Variants in LEMD3 observed in about 807,000 individuals in gnomAD.
LEMD3 encodes LEM domain containing 3.
LEMD3 carries 33 observed loss-of-function variants against 95.2 expected under a neutral mutation model. That is an observed-to-expected ratio of 0.35 (90% CI 0.26 to 0.46). LEMD3 has a LOEUF of 0.46. Ranked by LOEUF, LEMD3 falls within the 20% of genes least tolerant of loss-of-function variation. The pLI, the probability that LEMD3 is intolerant of heterozygous loss-of-function variation, is 1.00. For synonymous variants in LEMD3, 525 were observed against 474.6 expected, an observed-to-expected ratio of 1.11 and a Z score of -1.38; for missense variants, 1,210 against 1,192.8, an observed-to-expected ratio of 1.01 and a Z score of -0.21.
At position 65,246,159 on chromosome 12, in the gene LEMD3, C is replaced by A; in HGVS notation, c.2573-3C>A. On this transcript the variant is annotated splice_region_variant and splice_polypyrimidine_tract_variant and intron_variant, in intron 12 of 12. Transcript: ENST00000308330. ...CTAAAATATTATTTTTATCTTACAA[C>A]AGGGAAATTGGTTACAGTAAAATAT... The A allele has an allele frequency of 6.2e-7, 1 of 1,601,130 alleles. No individual in the cohort carries two copies. Among genetic ancestry groups the A allele is most frequent in the Non-Finnish European group, 8.6e-7 (1 of 1,169,572 alleles).
intron 1 of LEMD3, among the ~76,000 whole-genome samples, chr12:65,178,076 G>A (rs1806921124): frequency 6.6e-6 from 1 of 151,846 alleles, no homozygotes; most frequent in African/African-American, 2.4e-5. Context: ...GAACTCCTGG[G>A]CTCAAGCGAT....
At chr12:65,180,793 C>T (rs150310416) in intron 1 of LEMD3, among the ~76,000 whole-genome samples, 1 of 152,224 alleles carries the variant, frequency 6.6e-6, no homozygotes, top group East Asian at 1.9e-4. Flanking sequence ...AAAAACAAGG[C>T]TTGGTTGTAA....
chr12:65,190,507 A>T (rs751249877), intron 1 of LEMD3, among the ~76,000 whole-genome samples: 1 of 152,146 alleles, frequency 6.6e-6, no homozygotes. Context: ...CTTTCTATAC[A>T]TCATAACTCT....
At chr12:65,203,909 C>T (rs1355351113) in intron 1 of LEMD3, among the ~76,000 whole-genome samples, 1 of 152,116 alleles carries the variant, frequency 6.6e-6, no homozygotes, top group Non-Finnish European at 1.5e-5. Flanking sequence ...GATAACTTTT[C>T]TTGCTTTCAA....
At chr12:65,203,768 C>G (rs1161381368) in intron 1 of LEMD3, among the ~76,000 whole-genome samples, 1 of 151,892 alleles carries the variant, frequency 6.6e-6, no homozygotes, top group South Asian at 2.1e-4. Context: ...TCCTTTTTTT[C>G]CTTTTATTTC....
At chr12:65,212,077 C>T (rs538976171) in intron 2 of LEMD3, among the ~76,000 whole-genome samples, 7 of 151,846 alleles carry the variant, frequency 4.6e-5, no homozygotes, top group African/African-American at 1.5e-4. Context: ...GCCTCACAGT[C>T]GTGGCGGAAG....
At position 65,218,479 on chromosome 12, in the gene LEMD3, GAATT is replaced by G; in HGVS notation, c.1628-67_1628-64del. 8 of 839,794 alleles carry G rather than the reference GAATT, an allele frequency of 9.5e-6. No homozygotes were observed. The South Asian group carries it at 1.3e-4, about 13-fold the overall frequency. 52.0% of individuals were successfully genotyped at this position (839,794 alleles called of 1,614,324 possible). Reference sequence around the variant, plus strand: ...TAATTGTATAATGTATAAAATATTTGAATTAATTATGTTTGTTTTCTTCTGTTTA... The same window carrying G: ...TAATTGTATAATGTATAAAATATTTGAATTATGTTTGTTTTCTTCTGTTTA... On this transcript the variant is annotated intron_variant, in intron 3 of 12. Transcript: ENST00000308330.
At chr12:65,203,554 CAGAATGTGGTCT>C (rs1434353564) in intron 1 of LEMD3, among the ~76,000 whole-genome samples, 9 of 151,980 alleles carry the variant, frequency 5.9e-5, no homozygotes, top group Non-Finnish European at 1.3e-4. Context: ...TTTTATGGCC[CAGAATGTGGTCT>C]GTCTTGGTGA....
intron 1 of LEMD3, among the ~76,000 whole-genome samples, chr12:65,177,027 G>A (rs1868741097): frequency 6.6e-6 from 1 of 152,144 alleles, no homozygotes; most frequent in Non-Finnish European, 1.5e-5. Context: ...AATAGGAAAT[G>A]GCTAAGAAAC....
chr12:65,238,914 C>T lies in LEMD3; in HGVS notation c.1921+100C>T. 3 of 1,059,760 alleles carry T rather than the reference C, an allele frequency of 2.8e-6. No homozygotes were observed. In the South Asian group the frequency reaches 3.8e-5, roughly 14 times the overall value. 65.6% of individuals were successfully genotyped at this position (1,059,760 alleles called of 1,614,324 possible). ...GAGAATTCATTTTTGTGATGGTTGC[C>T]ACATAAGTCACAGCTAGATGTCTTC... On this transcript the variant is annotated intron_variant, in intron 6 of 12. Transcript: ENST00000308330.
At chr12:65,174,936 A>G (rs568907826) in intron 1 of LEMD3, among the ~76,000 whole-genome samples, 11 of 152,302 alleles carry the variant, frequency 7.2e-5, no homozygotes, top group Non-Finnish European at 1.5e-4. Flanking sequence ...CTGAGGAAGG[A>G]TGTTTGAACT....
chr12:65,226,164 C>G (rs1331767780), intron 4 of LEMD3, among the ~76,000 whole-genome samples: 1 of 152,168 alleles, frequency 6.6e-6, no homozygotes, highest in Non-Finnish European at 1.5e-5. Flanking sequence ...CTATTAGATT[C>G]AGACATGACA....
In LEMD3 at chr12:65,245,932, G is replaced by C; in HGVS notation, c.2565G>C (p.Trp855Cys). Residue 855 changes from tryptophan to cysteine, a missense_variant, in exon 12 of 13, where the codon TGG (tryptophan) becomes TGC (cysteine). Transcript: ENST00000308330. ...GKAFKALHGS[W>C]FDGKLVTVKY... ...CTTTTAAAGCATTGCATGGCTCTTG[G>C]TTTGATGGTAAGAAATTTGAGTACT... The C allele has an allele frequency of 1.2e-6, 2 of 1,610,286 alleles. No individual in the cohort carries two copies. The highest frequency in any genetic ancestry group is 1.7e-6 in the Non-Finnish European group (2 of 1,177,346).
At chr12:65,225,009 G>A (rs1870405093) in intron 4 of LEMD3, among the ~76,000 whole-genome samples, 1 of 152,000 alleles carries the variant, frequency 6.6e-6, no homozygotes, top group Non-Finnish European at 1.5e-5. Flanking sequence ...TCTTCTGTTT[G>A]ATCCAGTCTG....
chr12:65,174,414 G>A (rs1046464515), intron 1 of LEMD3, among the ~76,000 whole-genome samples: 11 of 152,056 alleles, frequency 7.2e-5, no homozygotes, highest in Admixed American at 7.2e-4. Context: ...CCCACCAAAC[G>A]AAAATAGAGA....
intron 1 of LEMD3, among the ~76,000 whole-genome samples, chr12:65,190,131 A>G (rs1220444406): frequency 6.6e-6 from 1 of 152,314 alleles, no homozygotes; most frequent in African/African-American, 2.4e-5. Context: ...CCTTGGTATT[A>G]TAACCAGTGT....
chr12:65,204,696 AATTG>A (rs1396130108), intron 1 of LEMD3, among the ~76,000 whole-genome samples: 7 of 152,262 alleles, frequency 4.6e-5, no homozygotes, highest in South Asian at 2.1e-4. Flanking sequence ...TATATTCAGT[AATTG>A]ATTGGTGGGT....
At chr12:65,192,440 C>T (rs191796073) in intron 1 of LEMD3, among the ~76,000 whole-genome samples, 101 of 152,210 alleles carry the variant, frequency 6.6e-4, no homozygotes, top group African/African-American at 2.0e-3. Flanking sequence ...TTGCCCTATA[C>T]CCGTCTTCCT....
At chr12:65,245,529 A>G in intron 10 of LEMD3, 140 bp from the exon 11 acceptor site, 1 of 681,940 alleles carries the variant, frequency 1.5e-6, no homozygotes, top group Non-Finnish European at 2.6e-6. Flanking sequence ...GTCAACAAGC[A>G]TTTACTTAAT....
Sources: allele counts gnomAD v4.1 joint callset (sites outside exome capture counted in the v4.1 genomes callset), GRCh38; gene constraint gnomAD v4.1.1; transcripts MANE v1.5; gene names NCBI Gene and HGNC (gene_info 2026-07-23, HGNC 2026-07-21).